SLC2A13: variants seen among roughly 807,000 people sequenced by gnomAD.
SLC2A13 encodes the protein proton myo-inositol cotransporter.
A neutral mutation model predicts 64.4 loss-of-function variants in SLC2A13; 32 were observed. The ratio of observed to expected loss-of-function variants is 0.50; its 90% confidence interval spans 0.37 to 0.67. SLC2A13 has a LOEUF of 0.67. Among genes scored for constraint, SLC2A13 ranks in the 30% least tolerant of loss-of-function variants. The pLI is 0.00. For synonymous variants in SLC2A13, 338 were observed against 327.1 expected (o/e 1.03, Z -0.36); for missense variants, 743 against 829.2 (o/e 0.90, Z 1.28).
chr12:40,056,006 C>T (rs1948328376), intron 1 of SLC2A13, among the ~76,000 whole-genome samples: 1 of 148,124 alleles, frequency 6.8e-6, no homozygotes, highest in Non-Finnish European at 1.5e-5. Context: ...AAAAACAAAA[C>T]AAACAACAAA....
intron 4 of SLC2A13, among the ~76,000 whole-genome samples, chr12:39,873,568 T>A (rs1944111030): frequency 6.6e-6 from 1 of 152,202 alleles, no homozygotes; most frequent in South Asian, 2.1e-4. Context: ...GCTACTAAGT[T>A]TCAGAATCTT....
intron 3 of SLC2A13, among the ~76,000 whole-genome samples, chr12:40,002,268 C>T (rs1314500365): frequency 6.6e-6 from 1 of 152,154 alleles, no homozygotes; most frequent in African/African-American, 2.4e-5. Flanking sequence ...CTTTTTCATA[C>T]TCATTTTACA....
intron 7 of SLC2A13, among the ~76,000 whole-genome samples, chr12:39,779,401 TC>T (rs1381733378): frequency 2.0e-5 from 3 of 152,152 alleles, no homozygotes; most frequent in African/African-American, 7.2e-5. Context: ...TTCTTCTATT[TC>T]CCTGGGTTTT....
intron 7 of SLC2A13, among the ~76,000 whole-genome samples, chr12:39,821,018 C>T (rs1942490631): frequency 6.6e-6 from 1 of 152,022 alleles, no homozygotes; most frequent in Non-Finnish European, 1.5e-5. Context: ...GCACTGCTCC[C>T]CAAACTCATG....
At chr12:39,994,310 G>A (rs1380109490) in intron 3 of SLC2A13, among the ~76,000 whole-genome samples, 2 of 151,088 alleles carry the variant, frequency 1.3e-5, no homozygotes, top group African/African-American at 4.9e-5. Flanking sequence ...TTGAACCCGG[G>A]AGGCGGAGCT....
chr12:40,057,279 T>C (rs1312119671), intron 1 of SLC2A13, among the ~76,000 whole-genome samples: 1 of 152,120 alleles, frequency 6.6e-6, no homozygotes, highest in Non-Finnish European at 1.5e-5. Context: ...AAAGATATTG[T>C]TGAAAAAGAA....
intron 3 of SLC2A13, among the ~76,000 whole-genome samples, chr12:39,964,243 TACCACTAAAAAA>T (rs1454003847): frequency 3.2e-4 from 48 of 152,266 alleles, no homozygotes; most frequent in Admixed American, 2.7e-3. Flanking sequence ...CTATTACCTG[TACCACTAAAAAA>T]GGAAAAAGAA....
chr12:39,802,197 G>C (rs1941816770), intron 7 of SLC2A13: 1 of 152,084 alleles, frequency 6.6e-6, no homozygotes, highest in South Asian at 2.1e-4. Context: ...TGCTCTGCTT[G>C]TACTGTCTTG....
At chr12:39,927,194 A>T (rs1200510476) in intron 4 of SLC2A13, among the ~76,000 whole-genome samples, 1 of 152,134 alleles carries the variant, frequency 6.6e-6, no homozygotes, top group African/African-American at 2.4e-5. Context: ...TTGAGTCCAC[A>T]CCCATTCCTT....
chr12:40,015,734 C>A (rs78773610), intron 3 of SLC2A13, among the ~76,000 whole-genome samples: 2 of 152,110 alleles, frequency 1.3e-5, no homozygotes, highest in African/African-American at 4.8e-5. Context: ...CGAAAGCAGA[C>A]GTTTTGCTGT....
chr12:39,866,686 A>C (rs1943920836), intron 5 of SLC2A13, among the ~76,000 whole-genome samples: 1 of 152,118 alleles, frequency 6.6e-6, no homozygotes, highest in Admixed American at 6.5e-5. Flanking sequence ...TCACCGTGTT[A>C]GCCAGGATGG....
At chr12:40,086,657 G>A (rs1327542068) in intron 1 of SLC2A13, among the ~76,000 whole-genome samples, 3 of 152,158 alleles carry the variant, frequency 2.0e-5, no homozygotes, top group African/African-American at 4.8e-5. Flanking sequence ...TTACAAATAC[G>A]AGAAGAAACA....
intron 7 of SLC2A13, among the ~76,000 whole-genome samples, chr12:39,803,400 A>G (rs1173683616): frequency 2.0e-5 from 3 of 152,176 alleles, no homozygotes; most frequent in Non-Finnish European, 2.9e-5. Flanking sequence ...CCACAGGCAC[A>G]TTAAACTTTA....
intron 1 of SLC2A13, among the ~76,000 whole-genome samples, chr12:40,077,286 T>A (rs1938213213): frequency 6.6e-6 from 1 of 152,150 alleles, no homozygotes; most frequent in Non-Finnish European, 1.5e-5. Flanking sequence ...CAGTTTTAGG[T>A]TTTATGTTTA....
chr12:39,806,734 T>A (rs1386404567), intron 7 of SLC2A13, among the ~76,000 whole-genome samples: 1 of 152,212 alleles, frequency 6.6e-6, no homozygotes, highest in Non-Finnish European at 1.5e-5. Context: ...TAAATTATAC[T>A]GTGGGAAACA....
intron 1 of SLC2A13, among the ~76,000 whole-genome samples, chr12:40,096,822 A>G (rs1348792589): frequency 1.3e-5 from 2 of 152,172 alleles, no homozygotes; most frequent in Non-Finnish European, 2.9e-5. Flanking sequence ...CAATCTGATT[A>G]CAATCATTTT....
chr12:40,090,774 AG>A (rs1938740972), intron 1 of SLC2A13, among the ~76,000 whole-genome samples: 1 of 152,148 alleles, frequency 6.6e-6, no homozygotes, highest in African/African-American at 2.4e-5. Flanking sequence ...TTTTTTAAAC[AG>A]GGTTCTTACC....
At chr12:40,031,234 A>T (rs11174809) in intron 2 of SLC2A13, among the ~76,000 whole-genome samples, 49,638 of 151,458 alleles carry the variant, frequency 0.33, 8,178 homozygotes, top group African/African-American at 0.35. Flanking sequence ...TTATTTATTT[A>T]TTTTTTTAGA....
chr12:39,876,346 T>C (rs930518000), intron 4 of SLC2A13, among the ~76,000 whole-genome samples: 3 of 152,192 alleles, frequency 2.0e-5, no homozygotes, highest in Non-Finnish European at 2.9e-5. Flanking sequence ...AGACTAAACA[T>C]GAATACTTCA....
Sources: allele counts gnomAD v4.1 joint callset (sites outside exome capture counted in the v4.1 genomes callset), GRCh38; gene constraint gnomAD v4.1.1; transcripts MANE v1.5; gene names NCBI Gene and HGNC (gene_info 2026-07-23, HGNC 2026-07-21).